INPP4B: variants seen among roughly 807,000 people sequenced by gnomAD.
INPP4B encodes the protein inositol polyphosphate 4-phosphatase type II.
A neutral mutation model predicts 122.5 loss-of-function variants in INPP4B; 55 were observed. The observed-to-expected ratio is 0.45, with a 90% CI of 0.36 to 0.56. The LOEUF (loss-of-function observed/expected upper bound fraction) is 0.56. Ranked by LOEUF, INPP4B falls within the 20% of genes least tolerant of loss-of-function variation. The pLI is 0.00. For missense variants in INPP4B, 1,000 were observed against 1,097.7 expected, an observed-to-expected ratio of 0.91 and a Z score of 1.26; for synonymous variants, 403 against 388.7, an observed-to-expected ratio of 1.04 and a Z score of -0.43.
chr4:142,740,634 A>G (rs1224992433), intron 1 of INPP4B, among the ~76,000 whole-genome samples: 1 of 148,842 alleles, frequency 6.7e-6, no homozygotes, highest in East Asian at 1.9e-4. Context: ...TAGTCTTGTA[A>G]AAGATGAGCT....
chr4:142,071,812 G>A (rs183769125), intron 25 of INPP4B, among the ~76,000 whole-genome samples: 78 of 152,292 alleles, frequency 5.1e-4, no homozygotes, highest in African/African-American at 1.8e-3. Flanking sequence ...AGTTACAATG[G>A]CAATCATTAA....
At chr4:142,565,269 T>A (rs1343271254) in intron 2 of INPP4B, among the ~76,000 whole-genome samples, 1 of 152,106 alleles carries the variant, frequency 6.6e-6, no homozygotes, top group African/African-American at 2.4e-5. Context: ...CCTGAAATAT[T>A]TTGTGCTAGA....
chr4:142,795,828 C>T (rs1425477365), intron 1 of INPP4B, among the ~76,000 whole-genome samples: 4 of 151,932 alleles, frequency 2.6e-5, no homozygotes, highest in South Asian at 2.1e-4. Context: ...TAAACTGTAC[C>T]TTTAATCAAC....
chr4:142,775,639 T>C (rs1773772883), intron 1 of INPP4B, among the ~76,000 whole-genome samples: 1 of 151,760 alleles, frequency 6.6e-6, no homozygotes, highest in Non-Finnish European at 1.5e-5. Context: ...ACTCTCAAAC[T>C]GCTGGGATTA....
Position 142,260,578 on chromosome 4 carries a change from TA to T in INPP4B, c.616-15del, listed in dbSNP as rs370828434. 0.025 allele frequency: 26,652 copies of T among 1,067,076 alleles called. 1 individual carries two copies. Among genetic ancestry groups the T allele is most frequent in the Middle Eastern group, 0.066 (264 of 3,980 alleles). 66.1% of individuals were successfully genotyped at this position (1,067,076 alleles called of 1,614,324 possible). A position where few individuals can be genotyped will look rare whatever the true frequency, so the allele number is the denominator to read the frequency against. ...TACCAGGGCACACTAGGAAAAAATG[TA>T]AAAAAAAAAAAAAAATTTTGAGAAC... is the stretch of plus-strand genomic sequence containing the variant. On this transcript the variant is annotated splice_polypyrimidine_tract_variant and intron_variant, in intron 10 of 25. Transcript: ENST00000262992.
chr4:142,656,644 G>A (rs1016294623), intron 2 of INPP4B, among the ~76,000 whole-genome samples: 1 of 152,170 alleles, frequency 6.6e-6, no homozygotes, highest in Non-Finnish European at 1.5e-5. Context: ...GCCAAGGGGT[G>A]TAACTCTATT....
chr4:142,714,972 C>T (rs889218474), intron 2 of INPP4B, among the ~76,000 whole-genome samples: 4 of 152,182 alleles, frequency 2.6e-5, no homozygotes, highest in African/African-American at 7.2e-5. Context: ...CAATTGTCCA[C>T]ATGTGCAGTG....
chr4:142,794,051 G>T (rs538651604), intron 1 of INPP4B, among the ~76,000 whole-genome samples: 3 of 152,050 alleles, frequency 2.0e-5, no homozygotes, highest in Non-Finnish European at 2.9e-5. Flanking sequence ...GATAGTGTTG[G>T]TATCTATCTA....
At chr4:142,436,429 C>T (rs949076071) in intron 3 of INPP4B, among the ~76,000 whole-genome samples, 2 of 152,186 alleles carry the variant, frequency 1.3e-5, no homozygotes, top group African/African-American at 4.8e-5. Context: ...TTAAATGGGT[C>T]CTGCTTCCCA....
chr4:142,186,071 A>G (rs189015829), intron 15 of INPP4B, among the ~76,000 whole-genome samples: 25 of 152,242 alleles, frequency 1.6e-4, no homozygotes, highest in African/African-American at 5.1e-4. Flanking sequence ...TTGGTTAGAT[A>G]ATTATGTTAA....
chr4:142,660,445 C>G (rs1754968688), intron 2 of INPP4B, among the ~76,000 whole-genome samples: 2 of 152,014 alleles, frequency 1.3e-5, no homozygotes. Flanking sequence ...AAGGCATCTT[C>G]TTTTTATTCC....
At chr4:142,771,834 A>C (rs1025765426) in intron 1 of INPP4B, among the ~76,000 whole-genome samples, 1 of 152,124 alleles carries the variant, frequency 6.6e-6, no homozygotes, top group African/African-American at 2.4e-5. Flanking sequence ...TTTTCACATC[A>C]CACATCATAC....
rs200657873 is a variant in INPP4B, at chr4:142,215,892, C to CAAA, written c.837-6869_837-6867dup. Among the ~76,000 whole-genome samples, 164 of 54,544 alleles carry CAAA rather than the reference C, an allele frequency of 3.0e-3. 10 individuals carry two copies. The highest frequency in any genetic ancestry group is 7.2e-3 in the African/African-American group (96 of 13,300). 35.8% of individuals were successfully genotyped at this position (54,544 alleles called of 152,430 possible). Reference sequence around the variant, plus strand: ...TGGGCAACAGACCAAGACTCTGTCTCAAAAAAAAAAAAAAAAAAAAAAAAA... The same window carrying CAAA: ...TGGGCAACAGACCAAGACTCTGTCTCAAAAAAAAAAAAAAAAAAAAAAAAAAAA... On this transcript the variant is annotated intron_variant, in intron 12 of 25. Transcript: ENST00000262992.
At chr4:142,201,290 G>A (rs563791104) in intron 14 of INPP4B, among the ~76,000 whole-genome samples, 6 of 152,006 alleles carry the variant, frequency 3.9e-5, no homozygotes, top group Non-Finnish European at 8.8e-5. Flanking sequence ...ATAACATTTT[G>A]TACAGTTGTG....
rs190573374 is a variant in INPP4B at position 142,648,488 on chromosome 4, T to A, written c.-191+77351A>T. Among the ~76,000 whole-genome samples the A allele has an allele frequency of 5.9e-4, 90 of 152,220 alleles. No homozygotes were observed. In the Middle Eastern group the frequency reaches 0.01, roughly 17 times the overall value. On this transcript the variant is annotated intron_variant, in intron 2 of 25. Coordinates refer to ENST00000262992, the MANE Select transcript of INPP4B (RefSeq NM_001101669.3). ...TATGAATACTGTGCTGTTACCAAGG[T>A]CTTAGCAACAAGCAGACAAGGAGAT...
chr4:142,729,886 A>G (rs1765837141), intron 1 of INPP4B, among the ~76,000 whole-genome samples: 1 of 152,126 alleles, frequency 6.6e-6, no homozygotes, highest in Admixed American at 6.5e-5. Context: ...ATGAATCCCC[A>G]TTCAGAATCT....
chr4:142,698,460 T>C (rs1278844897), intron 2 of INPP4B, among the ~76,000 whole-genome samples: 2 of 152,154 alleles, frequency 1.3e-5, no homozygotes, highest in African/African-American at 2.4e-5. Flanking sequence ...TTAGGACTAT[T>C]CATTTTCATT....
chr4:142,843,235 C>T (rs1452328589), intron 1 of INPP4B, among the ~76,000 whole-genome samples: 1 of 151,470 alleles, frequency 6.6e-6, no homozygotes, highest in African/African-American at 2.4e-5. Context: ...AGCATCATCA[C>T]TTGGATTCAT....
chr4:142,436,080 G>C (rs1390737311), intron 3 of INPP4B, among the ~76,000 whole-genome samples: 1 of 152,194 alleles, frequency 6.6e-6, no homozygotes, highest in African/African-American at 2.4e-5. Flanking sequence ...AGCCAGGGAG[G>C]CTGGACGACT....
Sources: allele counts gnomAD v4.1 joint callset (sites outside exome capture counted in the v4.1 genomes callset), GRCh38; gene constraint gnomAD v4.1.1; transcripts MANE v1.5; gene names NCBI Gene and HGNC (gene_info 2026-07-23, HGNC 2026-07-21).